Variants in LY96 observed in about 807,000 individuals in gnomAD.
LY96 encodes the protein myeloid differentiation protein-2.
A neutral mutation model predicts 18.9 loss-of-function variants in LY96; 18 were observed. The ratio of observed to expected loss-of-function variants is 0.95; its 90% CI spans 0.66 to 1.41. The LOEUF is 1.41. LY96 is among the 40% of genes most tolerant of loss of function. The pLI is 0.00. For synonymous variants in LY96, 66 were observed against 62.6 expected, an observed-to-expected ratio of 1.06 and a Z score of -0.26; for missense variants, 175 against 182.4, an observed-to-expected ratio of 0.96 and a Z score of 0.23.
At chr8:74,096,370 G>T in the LY96 span, among the ~76,000 whole-genome samples, 35 of 152,070 alleles carry the variant, frequency 2.3e-4, no homozygotes, top group Admixed American at 3.3e-4. Flanking sequence ...AGACACCATG[G>T]CCTCTTTGCT....
chr8:73,999,538 G>A (rs745880027), intron 1 of LY96, among the ~76,000 whole-genome samples: 10 of 152,222 alleles, frequency 6.6e-5, no homozygotes, highest in Non-Finnish European at 1.3e-4. Flanking sequence ...GGGGTTACAG[G>A]TGTGAGCCAC....
At chr8:74,067,738 T>A in the LY96 span, among the ~76,000 whole-genome samples, 3,449 of 151,460 alleles carry the variant, frequency 0.023, 110 homozygotes, top group African/African-American at 0.077. Flanking sequence ...AAAAAAAAAA[T>A]ATTTGCAACC....
chr8:74,037,715 AAGT>A, the LY96 span, among the ~76,000 whole-genome samples: 1 of 152,224 alleles, frequency 6.6e-6, no homozygotes, highest in African/African-American at 2.4e-5. Flanking sequence ...TCAATCACCC[AAGT>A]CTGGGTCTTG....
downstream of LY96, chr8:74,029,155 A>G: frequency 1.4e-6 from 1 of 711,350 alleles, no homozygotes; most frequent in South Asian, 1.6e-5. Context: ...GAAGACACAG[A>G]AATGACTGTC....
At chr8:74,022,339 A>C (rs1816782464) in intron 3 of LY96, among the ~76,000 whole-genome samples, 1 of 151,970 alleles carries the variant, frequency 6.6e-6, no homozygotes, top group South Asian at 2.1e-4. Flanking sequence ...GAATGAAGGC[A>C]GAGGTTGCGG....
chr8:73,997,484 A>C (rs1189314782), intron 1 of LY96, among the ~76,000 whole-genome samples: 4 of 152,060 alleles, frequency 2.6e-5, no homozygotes, highest in African/African-American at 9.7e-5. Flanking sequence ...AGATAATGTG[A>C]CCCCTCCTGC....
downstream of LY96, among the ~76,000 whole-genome samples, chr8:74,030,003 G>T (rs1024973293): frequency 6.6e-6 from 1 of 152,152 alleles, no homozygotes. Context: ...TCATAGTAGC[G>T]TGAGAATGGA....
downstream of LY96, among the ~76,000 whole-genome samples, chr8:74,031,274 A>C (rs1182897391): frequency 6.6e-6 from 1 of 152,146 alleles, no homozygotes; most frequent in East Asian, 1.9e-4. Context: ...TCTGCCTATT[A>C]AAACTCTGCT....
At chr8:74,081,087 CTCTTTCTTTCTTTCTT>C in the LY96 span, among the ~76,000 whole-genome samples, 10 of 92,954 alleles carry the variant, frequency 1.1e-4, no homozygotes, top group African/African-American at 2.0e-4. Context: ...TTCTCTTTCT[CTCTTTCTTTCTTTCTT>C]TCTTTCTTTC....
At chr8:74,008,074 C>T (rs1816452037) in intron 2 of LY96, among the ~76,000 whole-genome samples, 1 of 152,086 alleles carries the variant, frequency 6.6e-6, no homozygotes, top group Admixed American at 6.6e-5. Flanking sequence ...TTTCTTGTCT[C>T]TCACTCCAAC....
At chr8:74,055,350 A>C in the LY96 span, among the ~76,000 whole-genome samples, 1 of 152,080 alleles carries the variant, frequency 6.6e-6, no homozygotes. Flanking sequence ...GTCCCTCTGC[A>C]TTTGAAGCTC....
intron 3 of LY96, among the ~76,000 whole-genome samples, chr8:74,014,097 C>T (rs1371979224): frequency 6.6e-6 from 1 of 151,652 alleles, no homozygotes; most frequent in Non-Finnish European, 1.5e-5. Flanking sequence ...TTTTGGGAGA[C>T]AGAATAGGCA....
the LY96 span, among the ~76,000 whole-genome samples, chr8:74,037,465 C>CA: frequency 6.6e-6 from 1 of 151,738 alleles, no homozygotes; most frequent in Non-Finnish European, 1.5e-5. Flanking sequence ...CCTGTCTGTA[C>CA]AAAAAATAAA....
At chr8:73,998,637 T>A (rs1400175284) in intron 1 of LY96, among the ~76,000 whole-genome samples, 3 of 152,170 alleles carry the variant, frequency 2.0e-5, no homozygotes, top group South Asian at 4.1e-4. Flanking sequence ...GAGCTATGAT[T>A]GTGCCACTAC....
chr8:73,993,923 T>C (rs755702289), intron 1 of LY96, among the ~76,000 whole-genome samples: 1 of 152,200 alleles, frequency 6.6e-6, no homozygotes, highest in African/African-American at 2.4e-5. Context: ...AGCTCAATTG[T>C]ATTAAGTATA....
downstream of LY96, chr8:74,029,192 A>T (rs1816928275): frequency 1.6e-5 from 10 of 613,902 alleles, no homozygotes; most frequent in East Asian, 1.4e-4. Flanking sequence ...ATCCTCACAG[A>T]TCTCTAGGAA....
At chr8:74,067,038 C>A in the LY96 span, among the ~76,000 whole-genome samples, 3 of 152,136 alleles carry the variant, frequency 2.0e-5, no homozygotes, top group Non-Finnish European at 4.4e-5. Context: ...TCTTGTGCAT[C>A]CGGCTAGCCG....
At chr8:74,046,166 C>A in the LY96 span, among the ~76,000 whole-genome samples, 1 of 152,030 alleles carries the variant, frequency 6.6e-6, no homozygotes, top group South Asian at 2.1e-4. Flanking sequence ...GTAGTCCCAG[C>A]TACTTGGGAG....
the LY96 span, among the ~76,000 whole-genome samples, chr8:74,076,081 T>G: frequency 1.3e-5 from 2 of 152,092 alleles, no homozygotes; most frequent in African/African-American, 2.4e-5. Flanking sequence ...TCTCGGTCGC[T>G]GAATGTGAGT....
Sources: gnomAD v4.1 joint callset for allele counts (sites outside exome capture counted in the v4.1 genomes callset) on GRCh38, gnomAD v4.1.1 for gene constraint, MANE v1.5 for transcripts, NCBI Gene and HGNC (gene_info 2026-07-23, HGNC 2026-07-21) for gene names.